Variants in REPS2 observed in about 807,000 individuals in gnomAD.
REPS2 encodes ralBP1-associated Eps domain-containing protein 2.
In REPS2, 23 loss-of-function variants were observed where a neutral mutation model predicts 53.6. The ratio of observed to expected loss-of-function variants is 0.43; its 90% CI spans 0.31 to 0.61. The LOEUF (loss-of-function observed/expected upper bound fraction) is 0.61, where lower values mean the gene tolerates loss of function less well. Among genes scored for constraint, REPS2 ranks in the 20% least tolerant of loss-of-function variants. REPS2 has a pLI of 0.11. For synonymous variants in REPS2, 238 were observed against 218.6 expected (o/e 1.09, Z -0.78); for missense variants, 446 against 534.9 (o/e 0.83, Z 1.64).
intron 14 of REPS2, among the ~76,000 whole-genome samples, chrX:17,109,722 G>C (rs2062933901): frequency 8.9e-6 from 1 of 111,891 alleles, no homozygotes; most frequent in Non-Finnish European, 1.9e-5. Context: ...GAGGAAACCA[G>C]AACAACTGTG....
chrX:17,167,511 C>T, the REPS2 span, among the ~76,000 whole-genome samples: 4 of 109,654 alleles, frequency 3.6e-5, no homozygotes, highest in Non-Finnish European at 7.6e-5. Flanking sequence ...CTGCCTTAGA[C>T]ATGCTTACTT....
chrX:17,187,307 T>C, the REPS2 span, among the ~76,000 whole-genome samples: 2 of 111,489 alleles, frequency 1.8e-5, no homozygotes, highest in Non-Finnish European at 3.8e-5. Flanking sequence ...TTTCCCCTTC[T>C]AAGCAGGCTG....
chrX:17,023,523 C>T (rs1012021776), intron 3 of REPS2, among the ~76,000 whole-genome samples: 1 of 111,833 alleles, frequency 8.9e-6, no homozygotes, highest in Non-Finnish European at 1.9e-5. Flanking sequence ...GTGACTTACC[C>T]TGTGATGTTG....
At chrX:17,003,510 G>C (rs2061329964) in intron 1 of REPS2, among the ~76,000 whole-genome samples, 1 of 111,362 alleles carries the variant, frequency 9.0e-6, no homozygotes. Flanking sequence ...ATGTGGTTTT[G>C]ATAAGAGGTC....
intron 17 of REPS2, among the ~76,000 whole-genome samples, chrX:17,146,070 T>C (rs1239822984): frequency 9.5e-6 from 1 of 105,025 alleles, no homozygotes; most frequent in Admixed American, 1.0e-4. Context: ...GATCGCGCCA[T>C]TGCACTCCAG....
chrX:16,963,538 G>C (rs1326422104), intron 1 of REPS2, among the ~76,000 whole-genome samples: 1 of 112,343 alleles, frequency 8.9e-6, no homozygotes, highest in Non-Finnish European at 1.9e-5. Context: ...AAATCAAAAT[G>C]AGTATAATTT....
At chrX:17,135,447 C>T (rs374601739) in intron 16 of REPS2, 41 bp downstream of exon 16, 1 of 1,172,574 alleles carries the variant, frequency 8.5e-7, no homozygotes. Context: ...AGGAATCTCG[C>T]TCTGAGATGT....
the REPS2 span, among the ~76,000 whole-genome samples, chrX:17,168,986 GCT>G: frequency 8.9e-6 from 1 of 112,269 alleles, no homozygotes; most frequent in Non-Finnish European, 1.9e-5. Context: ...GTACCATTCT[GCT>G]CTCATTGTCA....
intron 3 of REPS2, 115 bp from the exon 4 acceptor site, chrX:17,024,944 C>A (rs181061027): frequency 5.3e-5 from 54 of 1,019,787 alleles, no homozygotes; most frequent in Non-Finnish European, 7.2e-5. Flanking sequence ...ACATTTCCCC[C>A]CATTTGTTAA....
intron 6 of REPS2, among the ~76,000 whole-genome samples, chrX:17,048,396 C>A (rs1326870157): frequency 8.9e-6 from 1 of 112,426 alleles, no homozygotes; most frequent in African/African-American, 3.2e-5. Flanking sequence ...CCATATTGCA[C>A]GATTTGACCA....
chrX:17,124,599 G>A (rs1170341986), intron 14 of REPS2, among the ~76,000 whole-genome samples: 1 of 110,804 alleles, frequency 9.0e-6, no homozygotes, highest in African/African-American at 3.3e-5. Context: ...CGGAGATGGG[G>A]GACAGGTGAA....
chrX:17,181,243 G>C, the REPS2 span, among the ~76,000 whole-genome samples: 2 of 112,416 alleles, frequency 1.8e-5, no homozygotes, highest in African/African-American at 6.5e-5. Flanking sequence ...GGAAATTATC[G>C]TGGACAAATA....
At chrX:17,040,965 G>C (rs1482100148) in intron 5 of REPS2, among the ~76,000 whole-genome samples, 1 of 111,797 alleles carries the variant, frequency 8.9e-6, no homozygotes, top group African/African-American at 3.3e-5. Flanking sequence ...CTTGCTTGAA[G>C]GATACATTCA....
intron 6 of REPS2, 126 bp from the exon 7 acceptor site, chrX:17,052,256 A>C: frequency 2.2e-6 from 1 of 460,465 alleles, no homozygotes; most frequent in South Asian, 5.4e-5. Flanking sequence ...GCTTTGAGGA[A>C]TAAATATGTT....
chrX:17,076,541 T>C, intron 12 of REPS2, among the ~76,000 whole-genome samples: 1 of 112,117 alleles, frequency 8.9e-6, no homozygotes, highest in Non-Finnish European at 1.9e-5. Context: ...ATTTTAAAAA[T>C]GGGATATAGA....
At chrX:16,954,175 G>T (rs966051647) in intron 1 of REPS2, among the ~76,000 whole-genome samples, 4 of 110,967 alleles carry the variant, frequency 3.6e-5, no homozygotes, top group Non-Finnish European at 7.5e-5. Context: ...TGCCCAGCCT[G>T]GTCTCAAACT....
intron 14 of REPS2, among the ~76,000 whole-genome samples, chrX:17,115,954 T>A (rs781156622): frequency 1.1e-4 from 12 of 111,726 alleles, no homozygotes; most frequent in Non-Finnish European, 2.1e-4. Context: ...AGTAACAATC[T>A]GATCTCTCTT....
chrX:16,983,360 C>T (rs940129636), intron 1 of REPS2, among the ~76,000 whole-genome samples: 1 of 111,620 alleles, frequency 9.0e-6, no homozygotes, highest in Admixed American at 9.5e-5. Context: ...AATCAAGGCT[C>T]GTTTTTAGCA....
chrX:17,076,710 TGA>T (rs775847483), intron 12 of REPS2, among the ~76,000 whole-genome samples: 1 of 112,085 alleles, frequency 8.9e-6, no homozygotes, highest in South Asian at 3.7e-4. Flanking sequence ...AGGTTGAAAA[TGA>T]GACTTTTGCT....
Sources: allele counts gnomAD v4.1 joint callset (sites outside exome capture counted in the v4.1 genomes callset), GRCh38; gene constraint gnomAD v4.1.1; transcripts MANE v1.5; gene names NCBI Gene and HGNC (gene_info 2026-07-23, HGNC 2026-07-21).